RSF1: variants seen among roughly 807,000 people sequenced by gnomAD.
RSF1 encodes remodeling and spacing factor 1, also known as HBV pX-associated protein 8.
Under a neutral mutation model 145.2 loss-of-function variants are expected in RSF1, and 13 were observed. That is an observed-to-expected ratio of 0.09 (90% CI 0.06 to 0.14). The LOEUF (loss-of-function observed/expected upper bound fraction) is 0.14, where lower values mean the gene tolerates loss of function less well. RSF1 is among the 10% of genes least tolerant of loss of function. The pLI is 1.00. For synonymous variants in RSF1, 577 were observed against 592.6 expected, an observed-to-expected ratio of 0.97 and a Z score of 0.38; for missense variants, 1,517 against 1,718.2, an observed-to-expected ratio of 0.88 and a Z score of 2.07.
At chr11:77,849,970 G>A in the RSF1 span, among the ~76,000 whole-genome samples, 1 of 152,130 alleles carries the variant, frequency 6.6e-6, no homozygotes, top group East Asian at 1.9e-4. Context: ...ATTATAATGA[G>A]GATCTGTTTC....
At chr11:77,801,724 G>T (rs573480375) in intron 1 of RSF1, among the ~76,000 whole-genome samples, 1 of 152,212 alleles carries the variant, frequency 6.6e-6, no homozygotes, top group South Asian at 2.1e-4. Context: ...TTCAGAATGA[G>T]AACTGGTCAC....
At chr11:77,872,061 G>A in the RSF1 span, 30 of 1,198,156 alleles carry the variant, frequency 2.5e-5, no homozygotes, top group Admixed American at 3.6e-4. Flanking sequence ...CTGAGTGATC[G>A]TGAAGTGACG....
At chr11:77,857,277 A>G in the RSF1 span, among the ~76,000 whole-genome samples, 1 of 152,216 alleles carries the variant, frequency 6.6e-6, no homozygotes, top group Admixed American at 6.5e-5. Flanking sequence ...TATTCATCAC[A>G]GAAAGTGGGA....
chr11:77,848,059 C>T, the RSF1 span, among the ~76,000 whole-genome samples: 1 of 152,136 alleles, frequency 6.6e-6, no homozygotes, highest in Non-Finnish European at 1.5e-5. Context: ...TCTACCGAGT[C>T]CACCAATTTA....
At chr11:77,716,026 T>G (rs187463011) in intron 5 of RSF1, among the ~76,000 whole-genome samples, 1 of 152,250 alleles carries the variant, frequency 6.6e-6, no homozygotes, top group Admixed American at 6.5e-5. Context: ...ATGTTCAATC[T>G]TACTACTCAT....
At chr11:77,739,518 A>G (rs2135908628) in intron 4 of RSF1, 1 of 152,348 alleles carries the variant, frequency 6.6e-6, no homozygotes, top group East Asian at 1.9e-4. Context: ...TGCTTATGAA[A>G]CAATCTCCCA....
At chr11:77,778,919 C>T (rs556246903) in intron 1 of RSF1, among the ~76,000 whole-genome samples, 37 of 152,050 alleles carry the variant, frequency 2.4e-4, no homozygotes, top group Non-Finnish European at 4.7e-4. Context: ...GTTATGTGAT[C>T]CACCCTTTTG....
intron 1 of RSF1, chr11:77,813,499 T>C: frequency 1.1e-6 from 1 of 891,366 alleles, no homozygotes; most frequent in Non-Finnish European, 1.9e-6. Context: ...ATTCTCAAAG[T>C]CTTGGTAGGT....
intron 1 of RSF1, among the ~76,000 whole-genome samples, chr11:77,765,337 ACT>A (rs575837940): frequency 1.4e-3 from 217 of 152,172 alleles, no homozygotes; most frequent in African/African-American, 4.6e-3. Context: ...GTTTTGGAAA[ACT>A]CTTCCAATCT....
At chr11:77,737,491 A>G (rs1590859163) in intron 4 of RSF1, among the ~76,000 whole-genome samples, 1 of 145,780 alleles carries the variant, frequency 6.9e-6, no homozygotes, top group East Asian at 1.9e-4. Context: ...CAACAACAAC[A>G]AAAAAACGGA....
chr11:77,759,459 A>G (rs1177385479), intron 2 of RSF1, among the ~76,000 whole-genome samples: 1 of 152,256 alleles, frequency 6.6e-6, no homozygotes, highest in African/African-American at 2.4e-5. Flanking sequence ...AGGCGGGCAG[A>G]TCACGAGGTC....
the RSF1 span, among the ~76,000 whole-genome samples, chr11:77,831,682 T>C: frequency 6.6e-6 from 1 of 150,710 alleles, no homozygotes; most frequent in East Asian, 2.0e-4. Context: ...ACCTTTCACA[T>C]TACTTAGGTA....
At chr11:77,818,720 A>T (rs543999623) in intron 1 of RSF1, among the ~76,000 whole-genome samples, 1 of 152,338 alleles carries the variant, frequency 6.6e-6, no homozygotes, top group South Asian at 2.1e-4. Context: ...CGGAGGTAGC[A>T]GTGAGCCCAG....
intron 1 of RSF1, among the ~76,000 whole-genome samples, chr11:77,802,293 T>C (rs1314370622): frequency 6.6e-6 from 1 of 152,190 alleles, no homozygotes; most frequent in Non-Finnish European, 1.5e-5. Flanking sequence ...GTGGGGACCC[T>C]TGGAACCCAA....
chr11:77,719,291 G>C (rs1960890206), intron 5 of RSF1, among the ~76,000 whole-genome samples: 1 of 152,056 alleles, frequency 6.6e-6, no homozygotes, highest in Non-Finnish European at 1.5e-5. Flanking sequence ...TCAACAATTA[G>C]CAACTCTCTC....
chr11:77,672,479 C>T (rs754757943), intron 14 of RSF1, among the ~76,000 whole-genome samples: 1 of 150,618 alleles, frequency 6.6e-6, no homozygotes, highest in Non-Finnish European at 1.5e-5. Context: ...GCCTCAGCTG[C>T]CCCAGTAGCT....
chr11:77,830,548 G>A, the RSF1 span, among the ~76,000 whole-genome samples: 1 of 139,752 alleles, frequency 7.2e-6, no homozygotes, highest in African/African-American at 2.7e-5. Flanking sequence ...TAAAGCTCAG[G>A]GCCCTTGTCC....
chr11:77,791,926 G>A (rs1009107744), intron 1 of RSF1, among the ~76,000 whole-genome samples: 2 of 152,108 alleles, frequency 1.3e-5, no homozygotes, highest in Non-Finnish European at 2.9e-5. Context: ...CTGTTACCCA[G>A]TTCCAAAGTC....
intron 5 of RSF1, among the ~76,000 whole-genome samples, chr11:77,714,950 C>T (rs569767616): frequency 2.6e-5 from 4 of 152,236 alleles, no homozygotes; most frequent in Non-Finnish European, 4.4e-5. Context: ...AAGACCTCAT[C>T]TCTACAAAAA....
Sources: allele counts gnomAD v4.1 joint callset (sites outside exome capture counted in the v4.1 genomes callset), GRCh38; gene constraint gnomAD v4.1.1; transcripts MANE v1.5; gene names NCBI Gene and HGNC (gene_info 2026-07-23, HGNC 2026-07-21).